The following URAD variants were observed in gnomAD, a reference collection of about 807,000 sequenced individuals.
URAD encodes ureidoimidazoline (2-oxo-4-hydroxy-4-carboxy-5-) decarboxylase.
In URAD, 4 loss-of-function variants were observed where a neutral mutation model predicts 4.6. The ratio of observed to expected loss-of-function variants is 0.87; its 90% CI spans 0.43 to 1.98. The LOEUF (loss-of-function observed/expected upper bound fraction) is 1.98, where lower values mean the gene tolerates loss of function less well. URAD is among the 30% of genes most tolerant of loss of function. The pLI, the probability that URAD is intolerant of heterozygous loss-of-function variation, is 0.03. For missense variants in URAD, 300 were observed against 255.3 expected (o/e 1.18, Z -1.19); for synonymous variants, 144 against 118.2 (o/e 1.22, Z -1.41).
chr13:27,984,074 T>C (rs902444780), intron 1 of URAD, among the ~76,000 whole-genome samples: 2 of 151,902 alleles, frequency 1.3e-5, no homozygotes, highest in Admixed American at 6.6e-5. Flanking sequence ...TGTGACAGGG[T>C]TCTCGCTCTG....
intron 1 of URAD, among the ~76,000 whole-genome samples, chr13:27,984,462 A>G (rs1470234355): frequency 6.6e-6 from 1 of 152,186 alleles, no homozygotes; most frequent in Non-Finnish European, 1.5e-5. Flanking sequence ...ACTGGCCAAT[A>G]ATCATCATAG....
At chr13:27,978,842 G>A (rs1042701891) in intron 1 of URAD, among the ~76,000 whole-genome samples, 17 of 152,172 alleles carry the variant, frequency 1.1e-4, no homozygotes, top group Admixed American at 1.0e-3. Flanking sequence ...ACGCGATAAG[G>A]ATCCTGAGCT....
Position 27,988,630 on chromosome 13 carries a change from A to G in URAD, c.8T>C (p.Ile3Thr). The G allele has an allele frequency of 1.2e-6, 2 of 1,603,528 alleles. No individual in the cohort carries two copies. The highest frequency in any genetic ancestry group is 1.7e-6 in the Non-Finnish European group (2 of 1,174,580). The change falls in exon 1 of 2, where the codon ATT (isoleucine) becomes ACT (threonine). Residue 3 changes from isoleucine (I) to threonine (T), a missense_variant. Ile to Thr is a moderately conservative substitution (Grantham distance 89). Coordinates refer to ENST00000332715, the MANE Select transcript of URAD (RefSeq NM_001105577.2). ...AAGGTCCATGGAGTTGACCTTCTCAATGTCCATTCCTTGTATTCCACTGGA... is the reference window on the plus strand; with the variant it reads ...AAGGTCCATGGAGTTGACCTTCTCAGTGTCCATTCCTTGTATTCCACTGGA... MD[I>T]EKVNSMDLGE...
intron 1 of URAD, among the ~76,000 whole-genome samples, chr13:27,980,432 C>A (rs1224448785): frequency 6.6e-6 from 1 of 152,172 alleles, no homozygotes; most frequent in African/African-American, 2.4e-5. Context: ...CCTGGGGAAC[C>A]GAGCTCAGCT....
intron 1 of URAD, among the ~76,000 whole-genome samples, chr13:27,981,015 TCTCTCTCTCTCTC>T (rs1365405644): frequency 2.0e-3 from 187 of 92,950 alleles, no homozygotes; most frequent in Admixed American, 3.7e-3. Context: ...CGCTTCTCTC[TCTCTCTCTCTCTC>T]CTCTCTCTCT....
chr13:27,988,452 G>T lies in URAD; in HGVS notation c.175+11C>A. ...TCCCTTTGCAGAGAATGTCTGATAC[G>T]GAAGCCTTACCTGACTGTGCAAGGG... On this transcript the variant is annotated intron_variant, in intron 1 of 1. Coordinates refer to ENST00000332715, the MANE Select transcript of URAD (RefSeq NM_001105577.2). 1 of 1,572,228 alleles carries T rather than the reference G, an allele frequency of 6.4e-7. No individual in the cohort carries two copies. Among genetic ancestry groups the T allele is most frequent in the Non-Finnish European group, 8.6e-7 (1 of 1,161,568 alleles).
chr13:27,985,168 C>T (rs1362114948), intron 1 of URAD, among the ~76,000 whole-genome samples: 1 of 152,078 alleles, frequency 6.6e-6, no homozygotes, highest in African/African-American at 2.4e-5. Flanking sequence ...AAAATCTACT[C>T]TCTTGAAGGT....
chr13:27,987,113 G>T (rs1870052876), intron 1 of URAD, among the ~76,000 whole-genome samples: 1 of 152,194 alleles, frequency 6.6e-6, no homozygotes, highest in South Asian at 2.1e-4. Flanking sequence ...ACGGTCAGAA[G>T]CCATCTGGCT....
At chr13:27,980,282 A>C (rs1183058106) in intron 1 of URAD, among the ~76,000 whole-genome samples, 2 of 152,162 alleles carry the variant, frequency 1.3e-5, no homozygotes, top group Non-Finnish European at 2.9e-5. Context: ...CGGGCACTGC[A>C]AACAGGAACG....
chr13:27,978,515 C>T, intron 1 of URAD, 63 bp from the exon 2 acceptor site: 1 of 1,206,254 alleles, frequency 8.3e-7, no homozygotes. Context: ...ACCGCGCACT[C>T]GAGGGGGCGC....
intron 1 of URAD, among the ~76,000 whole-genome samples, chr13:27,986,359 A>G (rs1387168487): frequency 6.6e-6 from 1 of 152,180 alleles, no homozygotes; most frequent in Admixed American, 6.5e-5. Context: ...TCATCAAGTC[A>G]CGGGGGCATC....
rs1869780499 is a variant in URAD, at chr13:27,978,424, C to T, written c.204G>A (p.Pro68=). Residue 68 remains proline, a synonymous_variant, in exon 2 of 2, where the codon CCG becomes CCA. Transcript: ENST00000332715. ...GCTGCAGCTCGCTGCCCGCCAGGTC[C>T]GGGTGGCAGCGCAGGATGCCCTCCT... ...SGQEGILRCH[P]DLAGSELQRG... 7.3e-7 allele frequency: 1 copy of T among 1,371,316 alleles called. No individual in the cohort carries two copies. The highest frequency in any genetic ancestry group is 9.3e-7 in the Non-Finnish European group (1 of 1,070,128). The allele number at this position is 1,371,316 out of a possible 1,614,324, so 84.9% of individuals were successfully genotyped here.
intron 1 of URAD, among the ~76,000 whole-genome samples, chr13:27,986,968 G>T (rs1201813367): frequency 1.3e-5 from 2 of 152,206 alleles, no homozygotes; most frequent in African/African-American, 4.8e-5. Flanking sequence ...CAGCTATGGA[G>T]AGGCCCCCAG....
chr13:27,978,835 C>T (rs1869798605), intron 1 of URAD, among the ~76,000 whole-genome samples: 1 of 152,096 alleles, frequency 6.6e-6, no homozygotes, highest in Non-Finnish European at 1.5e-5. Context: ...AGCAGAGACG[C>T]GATAAGGATC....
chr13:27,982,167 A>G (rs1245169674), intron 1 of URAD, among the ~76,000 whole-genome samples: 1 of 152,222 alleles, frequency 6.6e-6, no homozygotes, highest in African/African-American at 2.4e-5. Context: ...ACAGTGACTC[A>G]TGCCTGTAAT....
chr13:27,978,595 A>C (rs1869790270), intron 1 of URAD, 143 bp from the exon 2 acceptor site: 1 of 606,556 alleles, frequency 1.6e-6, no homozygotes, highest in Non-Finnish European at 2.4e-6. Context: ...GGGAGGGTGA[A>C]GTAGAGTACC....
intron 1 of URAD, among the ~76,000 whole-genome samples, chr13:27,982,906 T>C (rs572369474): frequency 3.3e-5 from 5 of 152,204 alleles, no homozygotes; most frequent in Non-Finnish European, 7.3e-5. Context: ...AGCCCTATTC[T>C]GAGAATCCAT....
At position 27,978,083 on chromosome 13, in the gene URAD, C is replaced by T. The variant is rs769258620; in HGVS notation, c.*23G>A. 1.2e-5 allele frequency: 18 copies of T among 1,445,988 alleles called. No individual in the cohort carries two copies. In the Middle Eastern group the frequency reaches 6.3e-4, roughly 51 times the overall value. The allele number at this position is 1,445,988 out of a possible 1,614,324, so 89.6% of individuals were successfully genotyped here. On this transcript the variant is annotated 3_prime_UTR_variant, in exon 2 of 2. Transcript: ENST00000332715. ...CCCCCGCGCGTCCGGTTGTGCGTCC[C>T]GGGTCCCTGGCCCGCGCGGCAGCTA...
chr13:27,978,299 T>C lies in URAD; in HGVS notation c.329A>G (p.Gln110Arg). The change falls in exon 2 of 2, where the codon CAG becomes CGG. Residue 110 changes from glutamine (Q) to arginine (R), a missense_variant. Coordinates refer to ENST00000332715, the MANE Select transcript of URAD (RefSeq NM_001105577.2). ...GGGGAAACCGAAGCGCGCGCGGTACTGCGCGTTGAGCTCGGCCAGCCGCAG... is the reference window on the plus strand; with the variant it reads ...GGGGAAACCGAAGCGCGCGCGGTACCGCGCGTTGAGCTCGGCCAGCCGCAG... Reference protein sequence around the residue: ...ERLRLAELNAQYRARFGFPFV... With the variant: ...ERLRLAELNARYRARFGFPFV... The C allele has an allele frequency of 7.1e-7, 1 of 1,408,572 alleles. No individual in the cohort carries two copies. Among genetic ancestry groups the C allele is most frequent in the Non-Finnish European group, 9.2e-7 (1 of 1,089,388 alleles). 87.3% of individuals were successfully genotyped at this position (1,408,572 alleles called of 1,614,324 possible).
Sources: gnomAD v4.1 joint callset for allele counts (sites outside exome capture counted in the v4.1 genomes callset) on GRCh38, gnomAD v4.1.1 for gene constraint, MANE v1.5 for transcripts, NCBI Gene and HGNC (gene_info 2026-07-23, HGNC 2026-07-21) for gene names.